The following CNTN3 variants were observed in gnomAD, a reference collection of about 807,000 sequenced individuals.
CNTN3 encodes contactin-3.
In CNTN3, 60 loss-of-function variants were observed where a neutral mutation model predicts 119.1. The ratio of observed to expected loss-of-function variants is 0.50; its 90% CI spans 0.41 to 0.62. The LOEUF (loss-of-function observed/expected upper bound fraction) is 0.62, where lower values mean the gene tolerates loss of function less well. Among genes scored for constraint, CNTN3 ranks in the 20% least tolerant of loss-of-function variants. The pLI is 0.00. For missense variants in CNTN3, 1,101 were observed against 1,242.4 expected (o/e 0.89, Z 1.71); for synonymous variants, 450 against 438.7 (o/e 1.03, Z -0.32).
intron 18 of CNTN3, among the ~76,000 whole-genome samples, chr3:74,295,660 C>G (rs1702323594): frequency 6.6e-6 from 1 of 152,168 alleles, no homozygotes; most frequent in Non-Finnish European, 1.5e-5. Context: ...ACACAATAAA[C>G]ACTGAGTGAG....
At chr3:74,549,184 G>C (rs1022994274) in intron 1 of CNTN3, among the ~76,000 whole-genome samples, 8 of 152,008 alleles carry the variant, frequency 5.3e-5, no homozygotes, top group African/African-American at 1.7e-4. Flanking sequence ...GTGTTGTCTC[G>C]TAATAGAGTT....
At chr3:74,556,431 C>T (rs1399402567) in intron 1 of CNTN3, among the ~76,000 whole-genome samples, 1 of 152,150 alleles carries the variant, frequency 6.6e-6, no homozygotes, top group South Asian at 2.1e-4. Context: ...CCTTCTCTCA[C>T]TTAGCATAGT....
chr3:74,298,073 A>T lies in CNTN3; in HGVS notation c.2285T>A (p.Val762Asp). 1 of 1,614,032 alleles carries T rather than the reference A, an allele frequency of 6.2e-7. No homozygotes were observed. The highest frequency in any genetic ancestry group is 8.5e-7 in the Non-Finnish European group (1 of 1,179,956). The change falls in exon 18 of 23, where the codon GTC becomes GAC. Residue 762 changes from valine to aspartate, a missense_variant. By Grantham distance (152) the Val-to-Asp change is radical (BLOSUM62 -3). Coordinates refer to ENST00000263665, the MANE Select transcript of CNTN3 (RefSeq NM_020872.3). ...VVTSPDTPRY[V>D]FRNESIVPYS... is the part of the protein sequence containing the mutation. Reference sequence around the variant, plus strand: ...TGGCACGATGCTTTCATTCCTAAAGACATATCTTGGGGTGTCAGGGGATGT... The same window carrying T: ...TGGCACGATGCTTTCATTCCTAAAGTCATATCTTGGGGTGTCAGGGGATGT...
chr3:74,566,301 AG>A (rs1399101534), intron 1 of CNTN3, among the ~76,000 whole-genome samples: 3 of 152,172 alleles, frequency 2.0e-5, no homozygotes, highest in Non-Finnish European at 2.9e-5. Flanking sequence ...TACCACCCCC[AG>A]GCCACCTTCG....
chr3:74,592,380 T>C lies in CNTN3; in HGVS notation c.-81+22011A>G, dbSNP rs565640635. On this transcript the variant is annotated intron_variant, in intron 1 of 22. Coordinates refer to ENST00000263665, the MANE Select transcript of CNTN3 (RefSeq NM_020872.3). ...TATAGAGTATGATGAGAAATGTTGA[T>C]TTATGTAGACAGCAGCTTCAAATCA... Among the ~76,000 whole-genome samples the C allele has an allele frequency of 2.6e-5, 4 of 151,976 alleles. No individual in the cohort carries two copies. In the South Asian group the frequency reaches 8.3e-4, roughly 32 times the overall value.
intron 1 of CNTN3, among the ~76,000 whole-genome samples, chr3:74,586,237 T>C (rs1397124880): frequency 6.6e-6 from 1 of 152,142 alleles, no homozygotes. Flanking sequence ...TGTTCCTCTA[T>C]AGTGATAGGG....
At chr3:74,544,819 C>G (rs1384358853) in intron 1 of CNTN3, among the ~76,000 whole-genome samples, 1 of 152,048 alleles carries the variant, frequency 6.6e-6, no homozygotes, top group Non-Finnish European at 1.5e-5. Flanking sequence ...AGGATGGTCA[C>G]GATCTCCTGA....
chr3:74,448,499 G>C (rs544910833), intron 4 of CNTN3, among the ~76,000 whole-genome samples: 2 of 152,224 alleles, frequency 1.3e-5, no homozygotes, highest in South Asian at 2.1e-4. Flanking sequence ...TATCTGACAA[G>C]TATGTAGCAT....
In CNTN3 at chr3:74,554,603, T is replaced by C. The variant is rs1412965437; in HGVS notation, c.-80-33411A>G. Among the ~76,000 whole-genome samples, 4 of 152,188 alleles carry C rather than the reference T, an allele frequency of 2.6e-5. No individual in the cohort carries two copies. In the East Asian group the frequency reaches 7.7e-4, roughly 29 times the overall value. ...CCTCTCTTATTTCCTTGAGCAGTGG[T>C]TTGTAGTTCTCCTTGAAGAGGTCCT... is the stretch of plus-strand genomic sequence containing the variant. On this transcript the variant is annotated intron_variant, in intron 1 of 22. Coordinates refer to ENST00000263665, the MANE Select transcript of CNTN3 (RefSeq NM_020872.3).
chr3:74,540,097 G>A (rs1703822040), intron 1 of CNTN3, among the ~76,000 whole-genome samples: 1 of 152,086 alleles, frequency 6.6e-6, no homozygotes, highest in African/African-American at 2.4e-5. Flanking sequence ...TTGAGGGCTG[G>A]CAGCCATCCA....
chr3:74,351,028 C>A (rs747403483), intron 11 of CNTN3, among the ~76,000 whole-genome samples: 1 of 152,182 alleles, frequency 6.6e-6, no homozygotes, highest in African/African-American at 2.4e-5. Flanking sequence ...CAAACTCCAG[C>A]ACTATACAAT....
intron 20 of CNTN3, among the ~76,000 whole-genome samples, chr3:74,278,366 G>A (rs1043126417): frequency 6.6e-6 from 1 of 152,044 alleles, no homozygotes; most frequent in Non-Finnish European, 1.5e-5. Flanking sequence ...TATACTATAA[G>A]GCCATAGTCA....
Position 74,599,755 on chromosome 3 carries a change from C to T in CNTN3, c.-81+14636G>A, listed in dbSNP as rs552674421. The stretch of plus-strand genomic sequence containing the variant: ...ATATTGCATCAGCCAAGGCAAGTCA[C>T]CTGACCAAGCCTTCCAACATCAATG... On this transcript the variant is annotated intron_variant, in intron 1 of 22. Transcript: ENST00000263665. Among the ~76,000 whole-genome samples the T allele has an allele frequency of 2.6e-5, 4 of 152,190 alleles. No individual in the cohort carries two copies. The South Asian group carries it at 8.3e-4, about 32-fold the overall frequency.
At chr3:74,278,275 T>C (rs1701920959) in intron 20 of CNTN3, among the ~76,000 whole-genome samples, 1 of 151,920 alleles carries the variant, frequency 6.6e-6, no homozygotes, top group African/African-American at 2.4e-5. Flanking sequence ...CTAAAATTCA[T>C]ATAGAATCAA....
At chr3:74,348,613 T>C (rs985768226) in intron 11 of CNTN3, among the ~76,000 whole-genome samples, 2 of 152,168 alleles carry the variant, frequency 1.3e-5, no homozygotes, top group Non-Finnish European at 2.9e-5. Flanking sequence ...TTGGGCTTCA[T>C]GAGAGGAGAG....
intron 4 of CNTN3, among the ~76,000 whole-genome samples, chr3:74,477,178 C>G (rs1038779445): frequency 1.3e-5 from 2 of 152,122 alleles, no homozygotes; most frequent in Non-Finnish European, 2.9e-5. Flanking sequence ...CACACACCTA[C>G]TGAGATAAAT....
chr3:74,403,827 T>C (rs9827470), intron 5 of CNTN3, among the ~76,000 whole-genome samples: 276 of 152,232 alleles, frequency 1.8e-3, no homozygotes, highest in African/African-American at 5.9e-3. Context: ...CTCTGGTTCT[T>C]TTTTTCTGTT....
Position 74,302,739 on chromosome 3 carries a change from C to T in CNTN3, c.1737G>A (p.Val579=), listed in dbSNP as rs1702484491. 1 of 1,613,254 alleles carries T rather than the reference C, an allele frequency of 6.2e-7. No individual in the cohort carries two copies. The highest frequency in any genetic ancestry group is 8.5e-7 in the Non-Finnish European group (1 of 1,179,476). The change falls in exon 14 of 23, where the codon GTG becomes GTA. Residue 579 remains valine, a synonymous_variant. Transcript: ENST00000263665. ...ATGAAACACTGTCCACCCCCGTTTG[C>T]ACCATACAAACATATTTCCCACTGT... The part of the protein sequence containing the change: ...LKHSGKYVCM[V]QTGVDSVSSA...
rs778739117 is a variant in CNTN3 at position 74,301,699 on chromosome 3, A to G, written c.1893T>C (p.Tyr631=). ...GKDNHSPVIS[Y]SIQARTPFSV... ...AGAAAGGTGTCCGAGCCTGGATAGAATAGGATATAACTGGGCTATGGTTGT... is the reference window on the plus strand; with the variant it reads ...AGAAAGGTGTCCGAGCCTGGATAGAGTAGGATATAACTGGGCTATGGTTGT... The change falls in exon 15 of 23, where the codon TAT becomes TAC. Residue 631 remains tyrosine (Y), a synonymous_variant. Transcript: ENST00000263665. The G allele has an allele frequency of 1.9e-6, 3 of 1,614,110 alleles. No individual in the cohort carries two copies. The highest frequency in any genetic ancestry group is 2.5e-6 in the Non-Finnish European group (3 of 1,179,988).
Sources: gnomAD v4.1 joint callset for allele counts (sites outside exome capture counted in the v4.1 genomes callset) on GRCh38, gnomAD v4.1.1 for gene constraint, MANE v1.5 for transcripts, NCBI Gene and HGNC (gene_info 2026-07-23, HGNC 2026-07-21) for gene names.